The following CYP4Z1 variants were observed in gnomAD, a reference collection of about 807,000 sequenced individuals.
The protein encoded by CYP4Z1 is cytochrome P450 4Z1.
A neutral mutation model predicts 54.2 loss-of-function variants in CYP4Z1; 41 were observed. The ratio of observed to expected loss-of-function variants is 0.76; its 90% CI spans 0.59 to 0.98. CYP4Z1 has a LOEUF of 0.98. CYP4Z1 is among the 50% of genes least tolerant of loss of function. The pLI, the probability that CYP4Z1 is intolerant of heterozygous loss-of-function variation, is 0.00. For synonymous variants in CYP4Z1, 163 were observed against 206.2 expected (o/e 0.79, Z 1.79); for missense variants, 513 against 599.0 (o/e 0.86, Z 1.50).
chr1:47,114,615 C>T (rs528078053), intron 9 of CYP4Z1, among the ~76,000 whole-genome samples: 1 of 131,490 alleles, frequency 7.6e-6, no homozygotes, highest in South Asian at 3.2e-4. Context: ...AACAAACAAC[C>T]CCATCAACAA....
intron 9 of CYP4Z1, among the ~76,000 whole-genome samples, chr1:47,109,822 CA>C (rs1371442617): frequency 6.6e-6 from 1 of 150,882 alleles, no homozygotes; most frequent in East Asian, 1.9e-4. Flanking sequence ...AGGGAATCTT[CA>C]CTGACATTGA....
rs898929745 is a variant in CYP4Z1, at chr1:47,084,522, A to G, written c.493-98A>G. 13 of 1,542,394 alleles carry G rather than the reference A, an allele frequency of 8.4e-6. No homozygotes were observed. The African/African-American group carries it at 1.8e-4, about 21-fold the overall frequency. ...GGCAAATTCATTTTGTACGCTTTAT[A>G]TTTTCAAACCCAGCAAGCTCTAAAA... On this transcript the variant is annotated intron_variant, in intron 4 of 11. Transcript: ENST00000334194.
At chr1:47,078,363 T>C (rs1644540355) in intron 2 of CYP4Z1, among the ~76,000 whole-genome samples, 1 of 152,018 alleles carries the variant, frequency 6.6e-6, no homozygotes, top group Admixed American at 6.5e-5. Flanking sequence ...ACTCCAGTTC[T>C]AGAACTTTAT....
intron 2 of CYP4Z1, 86 bp downstream of exon 2, chr1:47,068,849 G>A: frequency 6.6e-7 from 1 of 1,504,844 alleles, no homozygotes; most frequent in Admixed American, 2.1e-5. Flanking sequence ...ACAGGTTGAA[G>A]CATTTTTAAG....
At chr1:47,066,781 A>G (rs2148523473), upstream of CYP4Z1, among the ~76,000 whole-genome samples, 1 of 152,234 alleles carries the variant, frequency 6.6e-6, no homozygotes, top group South Asian at 2.1e-4. Flanking sequence ...TCATCCAAAA[A>G]GCTCCTACAG....
At chr1:47,079,868 GGAGA>G (rs3066524) in intron 2 of CYP4Z1, among the ~76,000 whole-genome samples, 29 of 106,016 alleles carry the variant, frequency 2.7e-4, no homozygotes, top group East Asian at 1.9e-3. Context: ...ATGGACAGAG[GGAGA>G]GAGAGAGAGA....
upstream of CYP4Z1, among the ~76,000 whole-genome samples, chr1:47,066,748 T>C (rs1644453437): frequency 6.6e-6 from 1 of 152,102 alleles, no homozygotes; most frequent in Admixed American, 6.5e-5. Context: ...GATATGATCG[T>C]ATACCTAGAA....
At chr1:47,100,615 T>C (rs1644714455) in intron 8 of CYP4Z1, among the ~76,000 whole-genome samples, 1 of 152,218 alleles carries the variant, frequency 6.6e-6, no homozygotes, top group Non-Finnish European at 1.5e-5. Context: ...TTATTTTACT[T>C]AATAACGGCC....
chr1:47,097,017 G>GTGT (rs1308150206), intron 7 of CYP4Z1: 2 of 151,838 alleles, frequency 1.3e-5, no homozygotes, highest in Non-Finnish European at 2.9e-5. Flanking sequence ...ACGTGTCCAT[G>GTGT]TGTTCTCATC....
chr1:47,106,912 A>C (rs1285839345), intron 9 of CYP4Z1, among the ~76,000 whole-genome samples: 2 of 152,250 alleles, frequency 1.3e-5, no homozygotes. Flanking sequence ...ACATAAAGGA[A>C]TGAGCCAGAA....
chr1:47,114,599 G>GA lies in CYP4Z1; in HGVS notation c.1202-923dup, dbSNP rs539325352. Among the ~76,000 whole-genome samples the GA allele has an allele frequency of 4.9e-3, 733 of 148,998 alleles. 12 individuals are homozygous for GA. The East Asian group carries it at 0.05, about 10-fold the overall frequency. On this transcript the variant is annotated intron_variant, in intron 9 of 11. Transcript: ENST00000334194. The stretch of plus-strand genomic sequence containing the variant: ...ACAATGAACTCAAACAAATTTACAA[G>GA]AAAAAAACAAACAACCCCATCAACA...
chr1:47,095,848 A>G (rs1333517243), intron 7 of CYP4Z1, among the ~76,000 whole-genome samples: 3 of 152,212 alleles, frequency 2.0e-5, no homozygotes, highest in Non-Finnish European at 4.4e-5. Flanking sequence ...ATCATCTCCA[A>G]GTGTTCAATA....
chr1:47,107,121 C>T (rs1440744282), intron 9 of CYP4Z1, among the ~76,000 whole-genome samples: 4 of 152,160 alleles, frequency 2.6e-5, no homozygotes, highest in Non-Finnish European at 5.9e-5. Context: ...AAAACAAAAA[C>T]TATTTAGTAC....
intron 11 of CYP4Z1, 38 bp downstream of exon 11, chr1:47,116,770 A>G: frequency 6.8e-7 from 1 of 1,468,552 alleles, no homozygotes; most frequent in Non-Finnish European, 9.5e-7. Context: ...GGAAATGTGT[A>G]ATAGTGCTTA....
chr1:47,057,395 A>C, the CYP4Z1 span, among the ~76,000 whole-genome samples: 1 of 120,956 alleles, frequency 8.3e-6, no homozygotes, highest in African/African-American at 3.0e-5. Flanking sequence ...CTGCTTCAAT[A>C]TTACTCTCTT....
chr1:47,118,198 G>T lies in CYP4Z1; in HGVS notation c.*264G>T. ...TGGTTTGTGTAACTAGTGGTAGAGT[G>T]GCTTTCAAGCATAGTTTGATCAAAA... On this transcript the variant is annotated 3_prime_UTR_variant, in exon 12 of 12. Coordinates refer to ENST00000334194, the MANE Select transcript of CYP4Z1 (RefSeq NM_178134.3). 1 of 324,396 alleles carries T rather than the reference G, an allele frequency of 3.1e-6. No individual in the cohort carries two copies. The highest frequency in any genetic ancestry group is 5.7e-6 in the Non-Finnish European group (1 of 175,750). 20.1% of individuals were successfully genotyped at this position (324,396 alleles called of 1,614,324 possible). A position where few individuals can be genotyped will look rare whatever the true frequency, so the allele number is the denominator to read the frequency against.
chr1:47,116,911 C>G (rs149336219), intron 11 of CYP4Z1, among the ~76,000 whole-genome samples, 179 bp downstream of exon 11: 1 of 152,114 alleles, frequency 6.6e-6, no homozygotes, highest in Admixed American at 6.6e-5. Context: ...CCCAAAGGGA[C>G]CGGTTAATGT....
intron 2 of CYP4Z1, among the ~76,000 whole-genome samples, chr1:47,079,653 A>G (rs1467333224): frequency 6.6e-6 from 1 of 152,254 alleles, no homozygotes; most frequent in Non-Finnish European, 1.5e-5. Flanking sequence ...GATTAGGAGG[A>G]TGAGAAAGTG....
intron 6 of CYP4Z1, among the ~76,000 whole-genome samples, chr1:47,092,103 T>C (rs1342966351): frequency 6.6e-6 from 1 of 151,958 alleles, no homozygotes; most frequent in Non-Finnish European, 1.5e-5. Context: ...GACCTCCACC[T>C]CTGGGGGCAC....
Sources: allele counts gnomAD v4.1 joint callset (sites outside exome capture counted in the v4.1 genomes callset), GRCh38; gene constraint gnomAD v4.1.1; transcripts MANE v1.5; gene names NCBI Gene and HGNC (gene_info 2026-07-23, HGNC 2026-07-21).